Variants in PCDHGA5 observed in about 807,000 individuals in gnomAD.
PCDHGA5 encodes protocadherin gamma subfamily A, 5.
PCDHGA5 carries 36 observed loss-of-function variants against 56.7 expected under a neutral mutation model. That is an observed-to-expected ratio of 0.64 (90% confidence interval 0.49 to 0.84). PCDHGA5 has a LOEUF of 0.84. PCDHGA5 is among the 40% of genes least tolerant of loss of function. PCDHGA5 has a pLI of 0.00. For synonymous variants in PCDHGA5, 563 were observed against 520.2 expected (o/e 1.08, Z -1.12); for missense variants, 1,305 against 1,201.5 (o/e 1.09, Z -1.27).
At chr5:141,423,193 T>A in intron 1 of PCDHGA5, 2 of 1,613,564 alleles carry the variant, frequency 1.2e-6, no homozygotes, top group Non-Finnish European at 1.7e-6. Context: ...GCCCCCTCTC[T>A]CGGCCACCGT....
chr5:141,413,806 A>C, intron 1 of PCDHGA5: 1 of 1,613,168 alleles, frequency 6.2e-7, no homozygotes. Flanking sequence ...GGAAGAGGCC[A>C]TTCACCACCT....
intron 1 of PCDHGA5, chr5:141,410,849 C>CTTTTTTTTTTTTTTGTTTTTTTT (rs2095434772): frequency 7.7e-6 from 1 of 129,786 alleles, no homozygotes; most frequent in Admixed American, 1.1e-4. Flanking sequence ...TTGTCTTTGT[C>CTTTTTTTTTTTTTTGTTTTTTTT]TTTTTTTTTT....
At chr5:141,508,440 T>C (rs2099868879) in intron 3 of PCDHGA5, among the ~76,000 whole-genome samples, 1 of 152,186 alleles carries the variant, frequency 6.6e-6, no homozygotes, top group African/African-American at 2.4e-5. Context: ...CACAGTTCCT[T>C]AGTGGCAGAG....
intron 1 of PCDHGA5, chr5:141,384,288 G>T (rs1367965791): frequency 1.9e-6 from 3 of 1,613,666 alleles, no homozygotes; most frequent in Non-Finnish European, 2.5e-6. Flanking sequence ...ACATCGCTGA[G>T]AACAACCCCA....
intron 1 of PCDHGA5, chr5:141,385,418 A>C: frequency 6.8e-7 from 1 of 1,466,614 alleles, no homozygotes; most frequent in Non-Finnish European, 9.0e-7. Flanking sequence ...ATAGGGATTT[A>C]AAAAACTTTA....
chr5:141,464,823 C>T (rs890811354), intron 1 of PCDHGA5, among the ~76,000 whole-genome samples: 5 of 151,986 alleles, frequency 3.3e-5, no homozygotes, highest in African/African-American at 1.2e-4. Flanking sequence ...ACTGTAGCCT[C>T]GCACTCCTGG....
rs532725430 is a variant in PCDHGA5, at chr5:141,429,107, G to A, written c.2421+62356G>A. On this transcript the variant is annotated intron_variant, in intron 1 of 3. Transcript: ENST00000518069. ...CTGACCTCGTGATCTGCCCGCCTCG[G>A]CCTCCCAAAGTGCTGGGATTATAGG... The A allele has an allele frequency of 3.8e-3, 579 of 152,026 alleles. 5 individuals are homozygous for A. Among genetic ancestry groups the A allele is most frequent in the Admixed American group, 0.011 (166 of 15,232 alleles). The allele number at this position is 152,026 out of a possible 1,614,324, so 9.4% of individuals were successfully genotyped here. A position where few individuals can be genotyped will look rare whatever the true frequency, so the allele number is the denominator to read the frequency against.
At position 141,489,748 on chromosome 5, in the gene PCDHGA5, T is replaced by C. The variant is rs763688648; in HGVS notation, c.2422-5059T>C. On this transcript the variant is annotated intron_variant, in intron 1 of 3. Transcript: ENST00000518069. The surrounding 1 kb of genome is among the most constrained non-coding windows in gnomAD (Gnocchi z 4.5). ...TGTGGGCACCAATACTGTGAGCTTT[T>C]ACACTCTAAGCCCCAACAGCCACTT... is the stretch of plus-strand genomic sequence containing the variant. The C allele has an allele frequency of 1.8e-5, 29 of 1,614,038 alleles. No homozygotes were observed. Among genetic ancestry groups the C allele is most frequent in the Non-Finnish European group, 1.6e-5 (19 of 1,180,010 alleles).
intron 1 of PCDHGA5, chr5:141,441,118 G>C (rs1265461098): frequency 6.6e-6 from 1 of 152,212 alleles, no homozygotes; most frequent in Non-Finnish European, 1.5e-5. Flanking sequence ...CCAGTGTACA[G>C]TTGAGACCGA....
Position 141,432,647 on chromosome 5 carries a change from C to G in PCDHGA5, c.2422-62160C>G, listed in dbSNP as rs747789886. The G allele has an allele frequency of 1.7e-5, 28 of 1,613,678 alleles. No individual in the cohort carries two copies. In the Admixed American group the frequency reaches 4.5e-4, roughly 26 times the overall value. ...GCACACGGGCGAGGTGCGCACGGCG[C>G]GAGCCCTGCTGGACAGAGACGCGCT... On this transcript the variant is annotated intron_variant, in intron 1 of 3. Coordinates refer to ENST00000518069, the MANE Select transcript of PCDHGA5 (RefSeq NM_018918.3). This position sits in a 1 kb window ranked among gnomAD's most constrained non-coding sequence, Gnocchi z 6.0.
intron 1 of PCDHGA5, chr5:141,410,304 T>C (rs1232480024): frequency 6.2e-7 from 1 of 1,614,024 alleles, no homozygotes; most frequent in Non-Finnish European, 8.5e-7. Context: ...TTAATCTCAG[T>C]GCTCTTCCTC....
chr5:141,389,320 TG>T (rs764190187), intron 1 of PCDHGA5: 2 of 1,613,848 alleles, frequency 1.2e-6, no homozygotes, highest in Non-Finnish European at 1.7e-6. Flanking sequence ...GATCCGGACT[TG>T]GGGCCCAACG....
At position 141,490,479 on chromosome 5, in the gene PCDHGA5, C is replaced by T; in HGVS notation, c.2422-4328C>T. 11 of 1,614,216 alleles carry T rather than the reference C, an allele frequency of 6.8e-6. No homozygotes were observed. Among genetic ancestry groups the T allele is most frequent in the Non-Finnish European group, 9.3e-6 (11 of 1,180,032 alleles). ...CGCTGCTAACCAGCCAGCCTTTGGACCGGGAGGCCACATCCCACTATATCA... is the reference window on the plus strand; with the variant it reads ...CGCTGCTAACCAGCCAGCCTTTGGATCGGGAGGCCACATCCCACTATATCA... On this transcript the variant is annotated intron_variant, in intron 1 of 3. Coordinates refer to ENST00000518069, the MANE Select transcript of PCDHGA5 (RefSeq NM_018918.3). This position sits in a 1 kb window ranked among gnomAD's most constrained non-coding sequence, Gnocchi z 5.4.
At position 141,366,152 on chromosome 5, in the gene PCDHGA5, C is replaced by G; in HGVS notation, c.1822C>G (p.Leu608Val). 2 of 1,614,138 alleles carry G rather than the reference C, an allele frequency of 1.2e-6. No homozygotes were observed. The highest frequency in any genetic ancestry group is 1.7e-6 in the Non-Finnish European group (2 of 1,180,046). Residue 608 changes from leucine to valine, a missense_variant, in exon 1 of 4, where the codon CTG becomes GTG. Transcript: ENST00000518069. ...CCAGAACGCCTGGCTGTCCTACCGCCTGCTTAAGGCCAGCGAGCCAGGACT... is the reference window on the plus strand; with the variant it reads ...CCAGAACGCCTGGCTGTCCTACCGCGTGCTTAAGGCCAGCGAGCCAGGACT... ...SGQNAWLSYR[L>V]LKASEPGLFA... is the part of the protein sequence containing the mutation.
chr5:141,402,714 T>G (rs1024254405), intron 1 of PCDHGA5, among the ~76,000 whole-genome samples: 2 of 152,220 alleles, frequency 1.3e-5, no homozygotes, highest in African/African-American at 4.8e-5. Flanking sequence ...TAGTAACGGC[T>G]TAGGACTCTG....
At chr5:141,500,672 C>A (rs2099801937) in intron 2 of PCDHGA5, among the ~76,000 whole-genome samples, 1 of 152,156 alleles carries the variant, frequency 6.6e-6, no homozygotes, top group South Asian at 2.1e-4. Context: ...TACTGTCCAA[C>A]AGAATTATAG....
chr5:141,408,344 G>A, intron 1 of PCDHGA5: 1 of 1,613,958 alleles, frequency 6.2e-7, no homozygotes, highest in East Asian at 2.2e-5. Flanking sequence ...CTCGGTGGTG[G>A]GGAACCTCGC....
chr5:141,494,528 G>A lies in PCDHGA5; in HGVS notation c.2422-279G>A, dbSNP rs189993899. On this transcript the variant is annotated intron_variant, in intron 1 of 3. Coordinates refer to ENST00000518069, the MANE Select transcript of PCDHGA5 (RefSeq NM_018918.3). ...ATTTTGGCTCAGGAGTTCTGACTCTGGGGGCAGGGAGGAAGGGGCCATTTC... is the reference window on the plus strand; with the variant it reads ...ATTTTGGCTCAGGAGTTCTGACTCTAGGGGCAGGGAGGAAGGGGCCATTTC... 3.0e-4 allele frequency among the ~76,000 whole-genome samples: 45 copies of A among 152,274 alleles called. 1 individual carries two copies. Among genetic ancestry groups the A allele is most frequent in the African/African-American group, 1.0e-3 (42 of 41,542 alleles).
At chr5:141,508,538 G>C (rs1383873129) in intron 3 of PCDHGA5, among the ~76,000 whole-genome samples, 1 of 152,120 alleles carries the variant, frequency 6.6e-6, no homozygotes, top group African/African-American at 2.4e-5. Flanking sequence ...CACCCCCCAC[G>C]AGGTGGGCGG....
Sources: gnomAD v4.1 joint callset for allele counts (sites outside exome capture counted in the v4.1 genomes callset) on GRCh38, gnomAD v4.1.1 for gene constraint, Gnocchi (gnomAD v3.1) non-coding constraint, MANE v1.5 for transcripts, NCBI Gene and HGNC (gene_info 2026-07-23, HGNC 2026-07-21) for gene names.